The following CNTNAP2 variants were observed in gnomAD, a reference collection of about 807,000 sequenced individuals.
CNTNAP2 encodes the protein contactin-associated protein-like 2.
A neutral mutation model predicts 155.2 loss-of-function variants in CNTNAP2; 98 were observed. The ratio of observed to expected loss-of-function variants is 0.63; its 90% CI spans 0.54 to 0.75. The LOEUF is 0.75. Ranked by LOEUF, CNTNAP2 falls within the 30% of genes least tolerant of loss-of-function variation. CNTNAP2 has a pLI of 0.00. For synonymous variants in CNTNAP2, 651 were observed against 631.2 expected (o/e 1.03, Z -0.47); for missense variants, 1,727 against 1,688.1 (o/e 1.02, Z -0.40).
intron 13 of CNTNAP2, among the ~76,000 whole-genome samples, chr7:147,725,549 A>T (rs1314840488): frequency 6.6e-6 from 1 of 151,650 alleles, no homozygotes; most frequent in Non-Finnish European, 1.5e-5. Flanking sequence ...AGTGTCCCCC[A>T]CTCTCTCTCC....
At chr7:147,768,867 A>AAT (rs932726549) in intron 13 of CNTNAP2, among the ~76,000 whole-genome samples, 2 of 114,080 alleles carry the variant, frequency 1.8e-5, no homozygotes, top group African/African-American at 5.7e-5. Flanking sequence ...AAAATTAGCA[A>AAT]ATAGCTTTGC....
At chr7:148,368,504 C>G (rs1191787932) in intron 21 of CNTNAP2, among the ~76,000 whole-genome samples, 1 of 152,140 alleles carries the variant, frequency 6.6e-6, no homozygotes, top group Admixed American at 6.5e-5. Context: ...TCATGTGATT[C>G]TGGGCAAGTT....
At chr7:146,728,977 T>C (rs1245988591) in intron 1 of CNTNAP2, among the ~76,000 whole-genome samples, 1 of 152,238 alleles carries the variant, frequency 6.6e-6, no homozygotes, top group Non-Finnish European at 1.5e-5. Context: ...AGGTGGCTAC[T>C]TGATATTTTA....
intron 15 of CNTNAP2, among the ~76,000 whole-genome samples, chr7:148,064,679 A>T (rs963891348): frequency 7.1e-4 from 35 of 48,966 alleles, no homozygotes; most frequent in African/African-American, 5.3e-3. Flanking sequence ...ATAGCTGTTA[A>T]AAAAAAAAAA....
intron 1 of CNTNAP2, among the ~76,000 whole-genome samples, chr7:146,483,280 AAAATATATATATATATATAT>A (rs1201715373): frequency 9.2e-5 from 5 of 54,470 alleles, no homozygotes; most frequent in East Asian, 1.2e-3. Flanking sequence ...CGTCTAAAAA[AAAATATATATATATATATAT>A]ATATATATAT....
chr7:146,326,403 TC>T, intron 1 of CNTNAP2, among the ~76,000 whole-genome samples: 1 of 152,310 alleles, frequency 6.6e-6, no homozygotes, highest in Non-Finnish European at 1.5e-5. Flanking sequence ...TCCTGAATGC[TC>T]CTGAATCTTT....
At chr7:147,527,845 G>A (rs1214465749) in intron 11 of CNTNAP2, among the ~76,000 whole-genome samples, 1 of 152,192 alleles carries the variant, frequency 6.6e-6, no homozygotes, top group Non-Finnish European at 1.5e-5. Context: ...CTAGGAGAAG[G>A]ATTATTTGGG....
intron 1 of CNTNAP2, among the ~76,000 whole-genome samples, chr7:146,322,900 A>G (rs1294049903): frequency 6.6e-6 from 1 of 151,796 alleles, no homozygotes. Flanking sequence ...ATAGTAGGAG[A>G]GAGGAGCTGA....
intron 3 of CNTNAP2, among the ~76,000 whole-genome samples, chr7:146,953,173 G>A (rs144071481): frequency 6.2e-4 from 94 of 152,040 alleles, no homozygotes; most frequent in African/African-American, 2.1e-3. Context: ...TCAATAGCAG[G>A]TGATGGAGAA....
chr7:148,210,024 T>G (rs540103796), intron 18 of CNTNAP2, among the ~76,000 whole-genome samples: 14 of 152,340 alleles, frequency 9.2e-5, no homozygotes, highest in South Asian at 4.1e-4. Flanking sequence ...TACGACCTGC[T>G]AAATCTCTGT....
chr7:146,375,996 G>C (rs1185590849), intron 1 of CNTNAP2, among the ~76,000 whole-genome samples: 1 of 152,130 alleles, frequency 6.6e-6, no homozygotes, highest in African/African-American at 2.4e-5. Context: ...AGGTTGACTG[G>C]TTTTACTTTA....
At chr7:146,606,025 C>A (rs963306003) in intron 1 of CNTNAP2, among the ~76,000 whole-genome samples, 2 of 152,088 alleles carry the variant, frequency 1.3e-5, no homozygotes, top group African/African-American at 4.8e-5. Flanking sequence ...AAATGTAAAC[C>A]TCTGATTTAC....
rs114291896 is a variant in CNTNAP2, at chr7:146,835,232, G to T, written c.209-4479G>T. Among the ~76,000 whole-genome samples, 166 of 152,268 alleles carry T rather than the reference G, an allele frequency of 1.1e-3. 2 individuals are homozygous for T. Among genetic ancestry groups the T allele is most frequent in the African/African-American group, 2.3e-3 (97 of 41,558 alleles). On this transcript the variant is annotated intron_variant, in intron 2 of 23. Coordinates refer to ENST00000361727, the MANE Select transcript of CNTNAP2 (RefSeq NM_014141.6). Reference sequence around the variant, plus strand: ...ATGCAGCAAACAATAAGTAACTGAAGAAAATTTATTCTGGAGCATTCATTA... The same window carrying T: ...ATGCAGCAAACAATAAGTAACTGAATAAAATTTATTCTGGAGCATTCATTA...
intron 1 of CNTNAP2, among the ~76,000 whole-genome samples, chr7:146,457,486 AT>A (rs1796572722): frequency 3.9e-3 from 1 of 256 alleles, no homozygotes; most frequent in Non-Finnish European, 0.013. Flanking sequence ...AAATGAATAT[AT>A]ATATATATAT....
At chr7:146,794,603 A>G (rs1802734965) in intron 2 of CNTNAP2, among the ~76,000 whole-genome samples, 1 of 152,196 alleles carries the variant, frequency 6.6e-6, no homozygotes. Flanking sequence ...AGAAACTGAA[A>G]TACAGATAAA....
At chr7:146,989,724 C>A (rs187341574) in intron 3 of CNTNAP2, among the ~76,000 whole-genome samples, 11 of 152,224 alleles carry the variant, frequency 7.2e-5, no homozygotes, top group African/African-American at 2.4e-4. Flanking sequence ...CCTTATCCAT[C>A]GCATTTTTCA....
At chr7:148,301,838 G>A (rs13242028) in intron 21 of CNTNAP2, among the ~76,000 whole-genome samples, 59,785 of 152,024 alleles carry the variant, frequency 0.39, 12,622 homozygotes, top group Admixed American at 0.53. Context: ...GTGAAGCATT[G>A]AGGAGGACCC....
chr7:147,279,434 T>A lies in CNTNAP2; in HGVS notation c.1349-20707T>A, dbSNP rs752760372. Among the ~76,000 whole-genome samples, 24 of 151,874 alleles carry A rather than the reference T, an allele frequency of 1.6e-4. No homozygotes were observed. The East Asian group carries it at 3.5e-3, about 22-fold the overall frequency. ...AACTTAGGCGATGGGTCCCCATAGTTTTATTGTCAGTACTCTTCATGTTTA... is the reference window on the plus strand; with the variant it reads ...AACTTAGGCGATGGGTCCCCATAGTATTATTGTCAGTACTCTTCATGTTTA... On this transcript the variant is annotated intron_variant, in intron 8 of 23. Transcript: ENST00000361727.
chr7:147,824,115 T>C (rs1334847617), intron 13 of CNTNAP2, among the ~76,000 whole-genome samples: 1 of 152,194 alleles, frequency 6.6e-6, no homozygotes, highest in Non-Finnish European at 1.5e-5. Flanking sequence ...AGATTCTATT[T>C]AGCAGAAATT....
Sources: gnomAD v4.1 joint callset for allele counts (sites outside exome capture counted in the v4.1 genomes callset) on GRCh38, gnomAD v4.1.1 for gene constraint, MANE v1.5 for transcripts, NCBI Gene and HGNC (gene_info 2026-07-23, HGNC 2026-07-21) for gene names.